FAAH2: variants seen among roughly 807,000 people sequenced by gnomAD.
FAAH2 encodes fatty-acid amide hydrolase 2.
Under a neutral mutation model 36.9 loss-of-function variants are expected in FAAH2, and 60 were observed. The observed-to-expected ratio is 1.63, with a 90% CI of 1.32 to 2.02. The LOEUF is 2.02. Among genes scored for constraint, FAAH2 ranks in the 30% most tolerant of loss-of-function variants. FAAH2 has a pLI of 0.00. For synonymous variants in FAAH2, 214 were observed against 143.8 expected (o/e 1.49, Z -3.49); for missense variants, 689 against 397.5 (o/e 1.73, Z -6.23).
At chrX:57,435,699 A>T (rs2056396599) in intron 8 of FAAH2, among the ~76,000 whole-genome samples, 1 of 111,320 alleles carries the variant, frequency 9.0e-6, no homozygotes, top group South Asian at 3.7e-4. Context: ...TCATAAAACA[A>T]ATATTACTAC....
intron 2 of FAAH2, 74 bp downstream of exon 2, chrX:57,292,654 C>T (rs760481111): frequency 4.8e-6 from 4 of 838,920 alleles, no homozygotes; most frequent in Non-Finnish European, 5.1e-6. Context: ...GCCACCTTAG[C>T]ATATTTCCTA....
intron 5 of FAAH2, among the ~76,000 whole-genome samples, chrX:57,371,416 T>C (rs1021685155): frequency 3.6e-5 from 4 of 112,088 alleles, no homozygotes; most frequent in East Asian, 2.8e-4. Flanking sequence ...CTTCTGCAAA[T>C]GAATTCATTC....
At chrX:57,337,643 T>A (rs917440322) in intron 4 of FAAH2, among the ~76,000 whole-genome samples, 2 of 111,792 alleles carry the variant, frequency 1.8e-5, no homozygotes, top group African/African-American at 3.2e-5. Flanking sequence ...CAAACAGAAC[T>A]AAAGATAAAA....
At chrX:57,486,913 T>C (rs1379965762) in intron 10 of FAAH2, among the ~76,000 whole-genome samples, 1 of 112,000 alleles carries the variant, frequency 8.9e-6, no homozygotes, top group African/African-American at 3.2e-5. Context: ...GTTGGATTTA[T>C]GTGACGGGGA....
chrX:57,151,439 T>C, the FAAH2 span, among the ~76,000 whole-genome samples: 1 of 111,885 alleles, frequency 8.9e-6, no homozygotes, highest in African/African-American at 3.3e-5. Context: ...GTCCCATATT[T>C]CTTGGAGGCT....
the FAAH2 span, among the ~76,000 whole-genome samples, chrX:57,232,626 A>G: frequency 8.9e-6 from 1 of 112,347 alleles, no homozygotes; most frequent in African/African-American, 3.2e-5. Context: ...TCTCTCTCGT[A>G]ACTAAGATAG....
the FAAH2 span, among the ~76,000 whole-genome samples, chrX:57,200,379 C>CTTT: frequency 1.2e-5 from 1 of 82,528 alleles, no homozygotes; most frequent in Non-Finnish European, 2.2e-5. Flanking sequence ...CATACTTTCA[C>CTTT]TTTTTTTTTT....
chrX:57,221,101 A>C, the FAAH2 span, among the ~76,000 whole-genome samples: 1 of 111,125 alleles, frequency 9.0e-6, no homozygotes, highest in Admixed American at 9.5e-5. Context: ...ACAAGTCTCC[A>C]AACCTCGAGT....
At chrX:57,160,099 G>A in the FAAH2 span, among the ~76,000 whole-genome samples, 1 of 111,812 alleles carries the variant, frequency 8.9e-6, no homozygotes. Flanking sequence ...AGATAATCAT[G>A]TGGTTTTTGT....
chrX:57,353,487 T>TAAAAAAAAAAAAAAAAAAAAAAA (rs3035714), intron 5 of FAAH2, among the ~76,000 whole-genome samples: 2 of 83,834 alleles, frequency 2.4e-5, no homozygotes, highest in Non-Finnish European at 4.6e-5. Context: ...CCCAAATTAT[T>TAAAAAAAAAAAAAAAAAAAAAAA]AAAAAAAAAA....
At chrX:57,209,956 T>A in the FAAH2 span, among the ~76,000 whole-genome samples, 3 of 110,360 alleles carry the variant, frequency 2.7e-5, no homozygotes, top group Non-Finnish European at 3.8e-5. Context: ...TTTTTTTTTT[T>A]ATGTTATAAC....
chrX:57,471,000 G>T (rs1209517256), intron 10 of FAAH2, among the ~76,000 whole-genome samples: 3 of 111,803 alleles, frequency 2.7e-5, no homozygotes, highest in Non-Finnish European at 3.8e-5. Flanking sequence ...AAAAACACAT[G>T]ATTTTCTCAA....
chrX:57,263,025 G>A, the FAAH2 span, among the ~76,000 whole-genome samples: 4 of 111,284 alleles, frequency 3.6e-5, no homozygotes, highest in Non-Finnish European at 7.6e-5. Flanking sequence ...AAGTGTGAGA[G>A]CTTTTCCCCT....
chrX:57,335,481 A>G (rs985256319), intron 4 of FAAH2, among the ~76,000 whole-genome samples: 2 of 112,913 alleles, frequency 1.8e-5, no homozygotes, highest in African/African-American at 6.4e-5. Flanking sequence ...GTGCATATAC[A>G]TAAACATCTC....
the FAAH2 span, among the ~76,000 whole-genome samples, chrX:57,236,092 T>A: frequency 8.9e-6 from 1 of 112,192 alleles, no homozygotes; most frequent in African/African-American, 3.2e-5. Context: ...GTGAAATCAC[T>A]GTAGTTTTCT....
the FAAH2 span, among the ~76,000 whole-genome samples, chrX:57,251,876 C>T: frequency 9.0e-6 from 1 of 111,553 alleles, no homozygotes; most frequent in South Asian, 3.8e-4. Context: ...GGAAGGTGAG[C>T]CAAAGTGGGG....
chrX:57,148,005 G>A, the FAAH2 span, among the ~76,000 whole-genome samples: 1 of 111,384 alleles, frequency 9.0e-6, no homozygotes, highest in African/African-American at 3.3e-5. Flanking sequence ...AATTTTCCAC[G>A]TGCTGATGAA....
chrX:57,251,308 A>G, the FAAH2 span, among the ~76,000 whole-genome samples: 1 of 111,960 alleles, frequency 8.9e-6, no homozygotes, highest in Non-Finnish European at 1.9e-5. Context: ...ACATCTTTAC[A>G]TGATAAAATC....
At chrX:57,390,300 A>G (rs2055134412) in intron 7 of FAAH2, among the ~76,000 whole-genome samples, 1 of 111,774 alleles carries the variant, frequency 8.9e-6, no homozygotes, top group African/African-American at 3.2e-5. Context: ...ATTTTCCTCT[A>G]GGAATTTCAC....
Sources: allele counts gnomAD v4.1 joint callset (sites outside exome capture counted in the v4.1 genomes callset), GRCh38; gene constraint gnomAD v4.1.1; transcripts MANE v1.5; gene names NCBI Gene and HGNC (gene_info 2026-07-23, HGNC 2026-07-21).